Variants in MYO18B observed in about 807,000 individuals in gnomAD.
MYO18B encodes myosin XVIIIB.
Under a neutral mutation model 273.0 loss-of-function variants are expected in MYO18B, and 204 were observed. That is an observed-to-expected ratio of 0.75 (90% CI 0.67 to 0.84). MYO18B has a LOEUF of 0.84. Ranked by LOEUF, MYO18B falls within the 40% of genes least tolerant of loss-of-function variation. The pLI is 0.00. For synonymous variants in MYO18B, 1,330 were observed against 1,305.7 expected (o/e 1.02, Z -0.40); for missense variants, 3,212 against 3,287.6 (o/e 0.98, Z 0.56).
At chr22:25,838,645 T>C (rs2089979103) in intron 17 of MYO18B, among the ~76,000 whole-genome samples, 1 of 152,224 alleles carries the variant, frequency 6.6e-6, no homozygotes, top group African/African-American at 2.4e-5. Context: ...TGTGGTCACA[T>C]GCTGTACAGG....
intron 12 of MYO18B, among the ~76,000 whole-genome samples, chr22:25,821,804 C>T (rs572262122): frequency 1.3e-5 from 2 of 151,244 alleles, no homozygotes; most frequent in African/African-American, 4.9e-5. Flanking sequence ...ACAAAACAAA[C>T]AAAAAAAAGA....
At chr22:25,827,674 C>G (rs1213356762) in intron 14 of MYO18B, among the ~76,000 whole-genome samples, 1 of 152,172 alleles carries the variant, frequency 6.6e-6, no homozygotes, top group Non-Finnish European at 1.5e-5. Flanking sequence ...TCTGACGCTG[C>G]TGAAGTAATT....
rs145992177 is a variant in MYO18B at position 25,786,862 on chromosome 22, A to G, written c.2376+1371A>G. ...AGATGGGCAAAATATGGAACATACA[A>G]AAAAAATGTAAATGGATGGCAACTA... On this transcript the variant is annotated intron_variant, in intron 11 of 43. Transcript: ENST00000335473. Among the ~76,000 whole-genome samples, 547 of 152,252 alleles carry G rather than the reference A, an allele frequency of 3.6e-3. 9 individuals carry two copies. The highest frequency in any genetic ancestry group is 0.017 in the Admixed American group (254 of 15,304).
intron 12 of MYO18B, among the ~76,000 whole-genome samples, chr22:25,817,384 T>G (rs529612282): frequency 7.9e-6 from 1 of 126,724 alleles, no homozygotes; most frequent in Non-Finnish European, 1.6e-5. Flanking sequence ...TCTCCCTCCC[T>G]CCCTCCCTCC....
At position 26,026,960 on chromosome 22, in the gene MYO18B, T is replaced by C; in HGVS notation, c.6986T>C (p.Ile2329Thr). 1.2e-6 allele frequency: 2 copies of C among 1,613,698 alleles called. No individual in the cohort carries two copies. The highest frequency in any genetic ancestry group is 1.7e-6 in the Non-Finnish European group (2 of 1,179,850). ...GLLRSTSLKC[I>T]SSDGVGGTTL... is the part of the protein sequence containing the mutation. ...TTGAGGTCCACCAGCCTCAAATGCATCTCTTCAGACGGTGTTGGGGGCACA... is the reference window on the plus strand; with the variant it reads ...TTGAGGTCCACCAGCCTCAAATGCACCTCTTCAGACGGTGTTGGGGGCACA... The change falls in exon 43 of 44, where the codon ATC (isoleucine) becomes ACC (threonine). Residue 2329 changes from isoleucine to threonine, a missense_variant. Physicochemically the swap from Ile to Thr is moderately conservative, Grantham distance 89 (BLOSUM62 -1). Transcript: ENST00000335473.
At chr22:25,836,718 T>C (rs548656313) in intron 17 of MYO18B, among the ~76,000 whole-genome samples, 1 of 152,088 alleles carries the variant, frequency 6.6e-6, no homozygotes, top group South Asian at 2.1e-4. Flanking sequence ...CACAGCACTT[T>C]GGGAGGCCGA....
intron 21 of MYO18B, 41 bp from the exon 22 acceptor site, chr22:25,868,279 A>G (rs374853863): frequency 2.2e-5 from 34 of 1,536,622 alleles, no homozygotes; most frequent in Admixed American, 7.5e-5. Flanking sequence ...GGATCCTCCT[A>G]CCTTCTATGC....
intron 35 of MYO18B, among the ~76,000 whole-genome samples, 167 bp from the exon 36 acceptor site, chr22:25,947,545 A>AC (rs2092729461): frequency 1.2e-5 from 1 of 82,046 alleles, no homozygotes; most frequent in East Asian, 2.9e-4. Flanking sequence ...CACACACACC[A>AC]AGCTGTTATA....
chr22:25,776,248 A>C (rs1476855832), intron 7 of MYO18B, among the ~76,000 whole-genome samples: 1 of 152,164 alleles, frequency 6.6e-6, no homozygotes, highest in African/African-American at 2.4e-5. Context: ...TCATTGATGC[A>C]CTACTGTGCT....
At chr22:25,899,731 A>G (rs1051658871) in intron 29 of MYO18B, 2 of 151,882 alleles carry the variant, frequency 1.3e-5, no homozygotes, top group Non-Finnish European at 2.9e-5. Context: ...CAGTGGGGAA[A>G]ATGGCTTGGC....
intron 40 of MYO18B, among the ~76,000 whole-genome samples, chr22:25,997,731 C>T (rs927532176): frequency 2.0e-5 from 3 of 151,962 alleles, no homozygotes; most frequent in African/African-American, 4.8e-5. Context: ...GTAAATCCAC[C>T]GTCCATAGCA....
the MYO18B span, among the ~76,000 whole-genome samples, chr22:26,054,891 AT>A: frequency 6.6e-6 from 1 of 152,104 alleles, no homozygotes; most frequent in Non-Finnish European, 1.5e-5. Context: ...TGATGATGTG[AT>A]TTTTAACTCA....
At chr22:25,838,559 G>A (rs915838126) in intron 17 of MYO18B, among the ~76,000 whole-genome samples, 11 of 152,320 alleles carry the variant, frequency 7.2e-5, no homozygotes, top group African/African-American at 2.4e-4. Flanking sequence ...TGATAATACC[G>A]TATTTTTACT....
intron 29 of MYO18B, among the ~76,000 whole-genome samples, chr22:25,901,806 GTTTTTTTTTTTT>G (rs34278088): frequency 1.1e-5 from 1 of 92,198 alleles, no homozygotes; most frequent in Non-Finnish European, 2.0e-5. Flanking sequence ...TTTTGGGTTG[GTTTTTTTTTTTT>G]TTTTTTTTTT....
intron 33 of MYO18B, among the ~76,000 whole-genome samples, chr22:25,914,471 G>A (rs998583212): frequency 1.3e-5 from 2 of 151,732 alleles, no homozygotes; most frequent in African/African-American, 4.8e-5. Flanking sequence ...GAAACTTGTA[G>A]TTTCTATGGC....
At chr22:25,749,297 C>G (rs1015458743) in intron 1 of MYO18B, among the ~76,000 whole-genome samples, 1 of 152,170 alleles carries the variant, frequency 6.6e-6, no homozygotes, top group Non-Finnish European at 1.5e-5. Flanking sequence ...TTGAAGCCCT[C>G]AGAGATAAGC....
chr22:25,795,367 A>C (rs1238929245), intron 11 of MYO18B, among the ~76,000 whole-genome samples: 1 of 152,178 alleles, frequency 6.6e-6, no homozygotes, highest in Non-Finnish European at 1.5e-5. Context: ...ATATTTATTG[A>C]TCCATGTCTT....
At chr22:26,016,244 A>G (rs950623436) in intron 42 of MYO18B, among the ~76,000 whole-genome samples, 14 of 152,242 alleles carry the variant, frequency 9.2e-5, no homozygotes, top group Admixed American at 2.6e-4. Flanking sequence ...AAACATTGTG[A>G]AAATTGTAGC....
chr22:25,823,125 G>A (rs1191127557), intron 12 of MYO18B, among the ~76,000 whole-genome samples: 5 of 152,190 alleles, frequency 3.3e-5, no homozygotes, highest in African/African-American at 9.7e-5. Flanking sequence ...GGAGTTGAAA[G>A]GATAGGTAGG....
Sources: allele counts gnomAD v4.1 joint callset (sites outside exome capture counted in the v4.1 genomes callset), GRCh38; gene constraint gnomAD v4.1.1; transcripts MANE v1.5; gene names NCBI Gene and HGNC (gene_info 2026-07-23, HGNC 2026-07-21).